DMD: variants seen among roughly 807,000 people sequenced by gnomAD.
DMD encodes dystrophin.
A neutral mutation model predicts 330.1 loss-of-function variants in DMD; 63 were observed. That is an observed-to-expected ratio of 0.19 (90% CI 0.16 to 0.24). The LOEUF is 0.24. DMD is among the 10% of genes least tolerant of loss of function. The pLI is 1.00. For synonymous variants in DMD, 1,223 were observed against 959.8 expected, an observed-to-expected ratio of 1.27 and a Z score of -5.07; for missense variants, 3,344 against 2,684.1, an observed-to-expected ratio of 1.25 and a Z score of -5.43.
chrX:32,087,162 G>T (rs978176692), intron 44 of DMD, among the ~76,000 whole-genome samples: 49 of 111,458 alleles, frequency 4.4e-4, no homozygotes, highest in Admixed American at 4.0e-3. Context: ...TATCATGAGG[G>T]AATTCTTCTC....
chrX:32,330,601 T>C (rs1029362063), intron 41 of DMD, among the ~76,000 whole-genome samples: 1 of 111,951 alleles, frequency 8.9e-6, no homozygotes, highest in Non-Finnish European at 1.9e-5. Context: ...TATTGTTGTG[T>C]TGCAAACGGA....
intron 56 of DMD, among the ~76,000 whole-genome samples, chrX:31,504,702 T>C (rs1028458119): frequency 7.1e-5 from 8 of 111,989 alleles, no homozygotes; most frequent in Admixed American, 1.9e-4. Context: ...CTTCTCTCAA[T>C]TGAACCCTGC....
chrX:31,920,711 C>T (rs767789501), intron 47 of DMD, among the ~76,000 whole-genome samples: 1 of 112,063 alleles, frequency 8.9e-6, no homozygotes, highest in East Asian at 2.8e-4. Context: ...ATCATTTATA[C>T]TCTTCATCAT....
At position 31,134,178 on chromosome X, in the gene DMD, G is replaced by A; in HGVS notation, c.10938C>T (p.Leu3646=). 8.3e-7 allele frequency: 1 copy of A among 1,209,712 alleles called. No individual in the cohort carries two copies. Among genetic ancestry groups the A allele is most frequent in the Non-Finnish European group, 1.1e-6 (1 of 894,008 alleles). ...TSDSMGEEDL[L]SPPQDTSTGL... Reference sequence around the variant, plus strand: ...CTGTGCTTGTGTCCTGGGGAGGACTGAGAAGATCTTCCTCACCTTAATAAA... The same window carrying A: ...CTGTGCTTGTGTCCTGGGGAGGACTAAGAAGATCTTCCTCACCTTAATAAA... Residue 3646 remains leucine (L), a synonymous_variant, in exon 77 of 79, where the codon CTC becomes CTT. Transcript: ENST00000357033.
intron 1 of DMD, among the ~76,000 whole-genome samples, chrX:33,282,929 T>G (rs1054909385): frequency 6.2e-5 from 7 of 112,233 alleles, no homozygotes; most frequent in Non-Finnish European, 1.1e-4. Context: ...CAAAGCAGTT[T>G]GCTTTTCTCT....
intron 55 of DMD, among the ~76,000 whole-genome samples, chrX:31,526,633 T>C (rs1406484307): frequency 8.9e-6 from 1 of 111,811 alleles, no homozygotes; most frequent in East Asian, 2.8e-4. Context: ...AGACCTGGAT[T>C]TGTCCAACAC....
intron 1 of DMD, among the ~76,000 whole-genome samples, chrX:33,238,756 T>C (rs891403474): frequency 1.8e-5 from 2 of 111,482 alleles, no homozygotes; most frequent in African/African-American, 6.5e-5. Flanking sequence ...AAACATATGC[T>C]TTTAGTATCA....
intron 64 of DMD, among the ~76,000 whole-genome samples, chrX:31,219,503 G>A (rs1435712192): frequency 9.0e-6 from 1 of 110,950 alleles, no homozygotes. Context: ...AAAAATGGAA[G>A]CCTTTATAGT....
intron 47 of DMD, among the ~76,000 whole-genome samples, chrX:31,899,500 G>A (rs2094393830): frequency 9.0e-6 from 1 of 111,019 alleles, no homozygotes; most frequent in African/African-American, 3.3e-5. Context: ...AAATACGTGT[G>A]AAAATTGAAG....
In DMD at chrX:32,491,366, T is replaced by G. The variant is rs149564232; in HGVS notation, c.2533A>C (p.Met845Leu). The G allele has an allele frequency of 8.3e-7, 1 of 1,209,413 alleles. No homozygotes were observed. The highest frequency in any genetic ancestry group is 1.8e-5 in the African/African-American group (1 of 57,068). The change falls in exon 20 of 79, where the codon ATG becomes CTG. Residue 845 changes from methionine (M) to leucine (L), a missense_variant. Transcript: ENST00000357033. ...AACCAGTTTTCAGCAGTAGTTGTCA[T>G]CTGCTCCAATTGTTGTAGCTGATTA... is the stretch of plus-strand genomic sequence containing the variant. The part of the protein sequence containing the change: ...FYNQLQQLEQ[M>L]TTTAENWLKI...
At chrX:31,886,224 C>T (rs916856364) in intron 47 of DMD, among the ~76,000 whole-genome samples, 1 of 110,783 alleles carries the variant, frequency 9.0e-6, no homozygotes, top group Non-Finnish European at 1.9e-5. Context: ...CACACAATTC[C>T]TAACTAAATA....
chrX:32,405,928 T>A (rs986886994), intron 30 of DMD, among the ~76,000 whole-genome samples: 4 of 111,446 alleles, frequency 3.6e-5, no homozygotes, highest in African/African-American at 1.3e-4. Flanking sequence ...TTTATTTCAT[T>A]GAGCAGTGGT....
intron 1 of DMD, among the ~76,000 whole-genome samples, chrX:33,083,585 C>T (rs1288611681): frequency 9.0e-6 from 1 of 111,582 alleles, no homozygotes; most frequent in Non-Finnish European, 1.9e-5. Flanking sequence ...CTGAGTTAGG[C>T]ATGCTGGACT....
chrX:32,785,938 T>C (rs2075314761), intron 7 of DMD, among the ~76,000 whole-genome samples: 2 of 111,028 alleles, frequency 1.8e-5, no homozygotes, highest in South Asian at 7.4e-4. Flanking sequence ...TATTTTTCTA[T>C]ACTAGTTTTT....
At chrX:32,404,148 G>A (rs16990306) in intron 30 of DMD, among the ~76,000 whole-genome samples, 16,661 of 111,457 alleles carry the variant, frequency 0.15, 1,079 homozygotes, top group African/African-American at 0.23. Flanking sequence ...TAGCTTCTTT[G>A]ATAAACACGG....
intron 11 of DMD, among the ~76,000 whole-genome samples, chrX:32,623,580 T>A (rs897805499): frequency 9.4e-6 from 1 of 105,971 alleles, no homozygotes; most frequent in African/African-American, 3.5e-5. Flanking sequence ...CAGGCTCGAG[T>A]ACAGTGACAC....
intron 55 of DMD, among the ~76,000 whole-genome samples, chrX:31,521,658 C>T (rs2147350317): frequency 8.9e-6 from 1 of 112,037 alleles, no homozygotes; most frequent in South Asian, 3.7e-4. Flanking sequence ...GTTTTTGATC[C>T]ACCCTTCTAA....
chrX:32,865,110 C>G (rs1284716928), intron 2 of DMD, among the ~76,000 whole-genome samples: 1 of 111,467 alleles, frequency 9.0e-6, no homozygotes, highest in Non-Finnish European at 1.9e-5. Context: ...TTACATAGCA[C>G]TTGGCTTATT....
intron 2 of DMD, among the ~76,000 whole-genome samples, chrX:32,861,912 T>C (rs1263491229): frequency 4.5e-5 from 5 of 111,795 alleles, no homozygotes; most frequent in Non-Finnish European, 7.5e-5. Flanking sequence ...GGGATGTCCA[T>C]ATCAGAAAAT....
Sources: allele counts gnomAD v4.1 joint callset (sites outside exome capture counted in the v4.1 genomes callset), GRCh38; gene constraint gnomAD v4.1.1; transcripts MANE v1.5; gene names NCBI Gene and HGNC (gene_info 2026-07-23, HGNC 2026-07-21).